XKR6: variants seen among roughly 807,000 people sequenced by gnomAD.
XKR6 encodes XK-related protein 6.
XKR6 carries 22 observed loss-of-function variants against 56.7 expected under a neutral mutation model. That is an observed-to-expected ratio of 0.39 (90% CI 0.28 to 0.55). The LOEUF is 0.55. XKR6 is among the 20% of genes least tolerant of loss of function. XKR6 has a pLI of 0.66. For missense variants in XKR6, 852 were observed against 889.0 expected (o/e 0.96, Z 0.53); for synonymous variants, 524 against 387.8 (o/e 1.35, Z -4.13).
intron 1 of XKR6, chr8:11,109,310 C>G (rs770278658): frequency 6.6e-6 from 1 of 152,188 alleles, no homozygotes; most frequent in Non-Finnish European, 1.5e-5. Context: ...CTAAAGTTAT[C>G]CAACAGGGAC....
At chr8:11,127,910 T>C (rs1799906937) in intron 1 of XKR6, among the ~76,000 whole-genome samples, 1 of 152,226 alleles carries the variant, frequency 6.6e-6, no homozygotes, top group Non-Finnish European at 1.5e-5. Flanking sequence ...GATTTTATCT[T>C]AAAATTTTGA....
intron 1 of XKR6, among the ~76,000 whole-genome samples, chr8:10,995,051 C>T (rs1003418228): frequency 1.3e-5 from 2 of 152,224 alleles, no homozygotes; most frequent in East Asian, 1.9e-4. Context: ...ACAGCATTGT[C>T]TGAGAAGGCC....
chr8:11,125,134 C>T (rs952228837), intron 1 of XKR6, among the ~76,000 whole-genome samples: 2 of 150,278 alleles, frequency 1.3e-5, no homozygotes, highest in African/African-American at 4.9e-5. Flanking sequence ...AGTATTGATG[C>T]CAGTAGGAAA....
chr8:10,904,754 G>A (rs1233153374), intron 2 of XKR6, among the ~76,000 whole-genome samples: 2 of 152,186 alleles, frequency 1.3e-5, no homozygotes, highest in Admixed American at 1.3e-4. Context: ...CCTGTAGGCT[G>A]AACACAGCAC....
intron 1 of XKR6, among the ~76,000 whole-genome samples, chr8:10,998,487 G>C (rs73662664): frequency 0.041 from 6,305 of 152,228 alleles, 316 homozygotes; most frequent in African/African-American, 0.12. Context: ...CCTGGTAAGA[G>C]CTCCACTTCA....
At chr8:11,074,985 G>A (rs1445390686) in intron 1 of XKR6, among the ~76,000 whole-genome samples, 3 of 152,198 alleles carry the variant, frequency 2.0e-5, no homozygotes, top group Non-Finnish European at 4.4e-5. Flanking sequence ...AGACCAGGAC[G>A]CAGAGCAGAG....
intron 1 of XKR6, among the ~76,000 whole-genome samples, chr8:11,008,862 C>T (rs1003372874): frequency 6.6e-5 from 10 of 152,128 alleles, no homozygotes; most frequent in Non-Finnish European, 1.5e-4. Context: ...GCCCTGCAAC[C>T]ACTGTAGCTT....
intron 1 of XKR6, among the ~76,000 whole-genome samples, chr8:11,078,352 C>G (rs141511582): frequency 6.6e-6 from 1 of 152,244 alleles, no homozygotes; most frequent in African/African-American, 2.4e-5. Context: ...GCCACTTGCC[C>G]AAGAACACAC....
chr8:11,055,299 A>T (rs1486139832), intron 1 of XKR6, among the ~76,000 whole-genome samples: 1 of 152,062 alleles, frequency 6.6e-6, no homozygotes, highest in Non-Finnish European at 1.5e-5. Context: ...CAAGGCAATA[A>T]GATCCCTAGG....
intron 1 of XKR6, among the ~76,000 whole-genome samples, chr8:10,958,309 C>CT: frequency 6.6e-6 from 1 of 152,162 alleles, no homozygotes; most frequent in African/African-American, 2.4e-5. Context: ...AGTGCTGGGG[C>CT]TTGGGGAGCA....
intron 1 of XKR6, among the ~76,000 whole-genome samples, chr8:11,120,108 C>T (rs879425086): frequency 2.0e-5 from 3 of 152,156 alleles, no homozygotes; most frequent in Admixed American, 1.3e-4. Flanking sequence ...TGAAAGCATT[C>T]CCTTTGAAAA....
At chr8:11,010,255 C>A (rs1007564790) in intron 1 of XKR6, among the ~76,000 whole-genome samples, 22 of 152,192 alleles carry the variant, frequency 1.4e-4, no homozygotes, top group African/African-American at 5.3e-4. Flanking sequence ...AGGGGGAAGT[C>A]CACCCCCATG....
chr8:10,911,486 T>TAG (rs1297226896), intron 2 of XKR6, among the ~76,000 whole-genome samples: 2 of 148,046 alleles, frequency 1.4e-5, no homozygotes, highest in African/African-American at 5.0e-5. Flanking sequence ...TATATATATA[T>TAG]ATAGAGAGAG....
intron 1 of XKR6, chr8:11,108,316 T>A: frequency 4.4e-6 from 2 of 456,264 alleles, no homozygotes; most frequent in Non-Finnish European, 4.4e-6. Flanking sequence ...TTAAGTGTTA[T>A]GAAACAACAG....
intron 1 of XKR6, among the ~76,000 whole-genome samples, chr8:11,193,893 G>A (rs1043926893): frequency 6.6e-6 from 1 of 152,042 alleles, no homozygotes; most frequent in African/African-American, 2.4e-5. Flanking sequence ...GAAAAATATA[G>A]TTTAATTTTA....
At chr8:11,003,662 G>A (rs1329148380) in intron 1 of XKR6, among the ~76,000 whole-genome samples, 4 of 152,232 alleles carry the variant, frequency 2.6e-5, no homozygotes, top group Non-Finnish European at 4.4e-5. Flanking sequence ...AAGCCATGCA[G>A]CCTGCTCAAA....
chr8:11,034,368 C>A (rs1336658991), intron 1 of XKR6, among the ~76,000 whole-genome samples: 2 of 152,146 alleles, frequency 1.3e-5, no homozygotes, highest in Non-Finnish European at 2.9e-5. Flanking sequence ...GCCGAGAGAG[C>A]ATCATGGGTA....
At chr8:11,069,618 G>A (rs1235165060) in intron 1 of XKR6, among the ~76,000 whole-genome samples, 1 of 152,098 alleles carries the variant, frequency 6.6e-6, no homozygotes, top group Non-Finnish European at 1.5e-5. Flanking sequence ...GCACCCTAGA[G>A]TGCCATCAGC....
intron 1 of XKR6, among the ~76,000 whole-genome samples, chr8:11,080,575 C>T (rs1362035909): frequency 8.5e-6 from 1 of 117,012 alleles, no homozygotes; most frequent in Non-Finnish European, 1.7e-5. Context: ...TTCATCATCA[C>T]AGTGACAGTC....
Sources: allele counts gnomAD v4.1 joint callset (sites outside exome capture counted in the v4.1 genomes callset), GRCh38; gene constraint gnomAD v4.1.1; transcripts MANE v1.5; gene names NCBI Gene and HGNC (gene_info 2026-07-23, HGNC 2026-07-21).